The following PACRG variants were observed in gnomAD, a reference collection of about 807,000 sequenced individuals.
The protein encoded by PACRG is parkin coregulated, also known as parkin coregulated gene protein.
PACRG carries 29 observed loss-of-function variants against 29.7 expected under a neutral mutation model. The observed-to-expected ratio is 0.98, with a 90% CI of 0.73 to 1.33. The LOEUF (loss-of-function observed/expected upper bound fraction) is 1.33, where lower values mean the gene tolerates loss of function less well. Among genes scored for constraint, PACRG ranks in the 40% most tolerant of loss-of-function variants. The probability of loss-of-function intolerance (pLI) is 0.00; values close to 1 mark genes in which losing one functional copy is unlikely to be tolerated. For synonymous variants in PACRG, 116 were observed against 118.7 expected (o/e 0.98, Z 0.15); for missense variants, 279 against 316.2 (o/e 0.88, Z 0.89).
chr6:163,112,764 C>G (rs1034481231), intron 4 of PACRG, among the ~76,000 whole-genome samples: 1 of 152,124 alleles, frequency 6.6e-6, no homozygotes, highest in Non-Finnish European at 1.5e-5. Context: ...AAAGAAAAAC[C>G]TGGGGAAGGG....
chr6:163,006,517 A>G (rs1247365265), intron 2 of PACRG, among the ~76,000 whole-genome samples: 1 of 151,704 alleles, frequency 6.6e-6, no homozygotes, highest in Non-Finnish European at 1.5e-5. Context: ...TACTTGTTCT[A>G]TCAGTTATTG....
At chr6:163,287,481 T>C (rs1784441869) in intron 4 of PACRG, among the ~76,000 whole-genome samples, 1 of 152,168 alleles carries the variant, frequency 6.6e-6, no homozygotes, top group Non-Finnish European at 1.5e-5. Flanking sequence ...CTGCGGAGGC[T>C]GCCCAGGCCC....
chr6:162,895,102 C>T (rs577421207), intron 2 of PACRG, among the ~76,000 whole-genome samples: 4 of 145,418 alleles, frequency 2.8e-5, no homozygotes, highest in Admixed American at 1.4e-4. Flanking sequence ...TCTCTACCCC[C>T]CCGCCCCCAA....
chr6:162,836,327 A>C (rs1186618409), intron 2 of PACRG, among the ~76,000 whole-genome samples: 1 of 152,152 alleles, frequency 6.6e-6, no homozygotes, highest in Middle Eastern at 3.4e-3. Flanking sequence ...GTACAGGGGT[A>C]GTCAGAGGGC....
chr6:162,781,547 T>G (rs1279547626), intron 1 of PACRG, among the ~76,000 whole-genome samples: 1 of 151,870 alleles, frequency 6.6e-6, no homozygotes, highest in East Asian at 1.9e-4. Flanking sequence ...AATCTACTGT[T>G]TAGATAAAAA....
intron 4 of PACRG, among the ~76,000 whole-genome samples, chr6:163,186,788 G>A (rs553972771): frequency 6.1e-4 from 93 of 152,296 alleles, no homozygotes; most frequent in African/African-American, 2.2e-3. Flanking sequence ...CCTCTCCACC[G>A]CTCTGCTCCC....
intron 2 of PACRG, among the ~76,000 whole-genome samples, chr6:162,862,125 G>T (rs1308724692): frequency 6.6e-6 from 1 of 152,182 alleles, no homozygotes; most frequent in Non-Finnish European, 1.5e-5. Flanking sequence ...CAGTCCACGG[G>T]AACTCAGAGG....
chr6:163,118,859 C>T (rs1816136066), intron 4 of PACRG, among the ~76,000 whole-genome samples: 1 of 152,194 alleles, frequency 6.6e-6, no homozygotes, highest in South Asian at 2.1e-4. Flanking sequence ...CTCCTCTTTC[C>T]TTCTCAGACA....
intron 4 of PACRG, among the ~76,000 whole-genome samples, chr6:163,141,458 T>A (rs1283339628): frequency 6.9e-6 from 1 of 144,690 alleles, no homozygotes; most frequent in Middle Eastern, 3.6e-3. Flanking sequence ...TTTTTTTTTT[T>A]AAAGCCAAAC....
chr6:163,116,261 C>T (rs559517005), intron 4 of PACRG, among the ~76,000 whole-genome samples: 103 of 152,072 alleles, frequency 6.8e-4, no homozygotes, highest in African/African-American at 2.3e-3. Context: ...GGAGCAGGAG[C>T]GAGATTAGGG....
At chr6:163,099,801 C>A (rs758248571) in intron 4 of PACRG, among the ~76,000 whole-genome samples, 1 of 152,154 alleles carries the variant, frequency 6.6e-6, no homozygotes, top group Non-Finnish European at 1.5e-5. Flanking sequence ...GGAGCCTTTC[C>A]GTGCCACTGC....
intron 2 of PACRG, among the ~76,000 whole-genome samples, chr6:163,059,338 T>C (rs899436590): frequency 1.3e-5 from 2 of 152,200 alleles, no homozygotes; most frequent in African/African-American, 4.8e-5. Flanking sequence ...TATTTATTGT[T>C]TGAAGGCACA....
intron 3 of PACRG, among the ~76,000 whole-genome samples, chr6:163,084,591 A>T (rs957425675): frequency 6.6e-6 from 1 of 152,130 alleles, no homozygotes; most frequent in Non-Finnish European, 1.5e-5. Context: ...TCCATTTTAG[A>T]TGCCATTACG....
chr6:163,162,401 CTTG>C (rs1385929118), intron 4 of PACRG, among the ~76,000 whole-genome samples: 2 of 152,244 alleles, frequency 1.3e-5, no homozygotes, highest in African/African-American at 2.4e-5. Context: ...TCTAATCCCA[CTTG>C]TTGTGCAATA....
intron 4 of PACRG, among the ~76,000 whole-genome samples, chr6:163,171,935 A>G (rs1371515735): frequency 1.3e-5 from 2 of 152,188 alleles, no homozygotes; most frequent in African/African-American, 2.4e-5. Context: ...AGACTCTACC[A>G]TGGATTTATT....
intron 3 of PACRG, among the ~76,000 whole-genome samples, chr6:163,072,064 GAATACTTCCAAGTTCATTCTA>G (rs1812111411): frequency 6.6e-6 from 1 of 150,668 alleles, no homozygotes; most frequent in East Asian, 2.0e-4. Context: ...AAGGAGAAGA[GAATACTTCCAAGTTCATTCTA>G]TAAGGCCAGT....
In PACRG at chr6:163,055,114, G is replaced by A. The variant is rs985815385; in HGVS notation, c.292-7036G>A. ...TGAGGGAGTGGGTTAAAGAGGGAAC[G>A]GGAATGAGGAAGCAAGGACAGTGAT... is the stretch of plus-strand genomic sequence containing the variant. On this transcript the variant is annotated intron_variant, in intron 2 of 4. Coordinates refer to ENST00000366888, the MANE Select transcript of PACRG (RefSeq NM_001080379.2). The surrounding 1 kb of genome is among the most constrained non-coding windows in gnomAD (Gnocchi z 4.0). Among the ~76,000 whole-genome samples the A allele has an allele frequency of 4.6e-5, 7 of 152,118 alleles. No homozygotes were observed. Among genetic ancestry groups the A allele is most frequent in the Non-Finnish European group, 7.4e-5 (5 of 68,022 alleles).
intron 2 of PACRG, among the ~76,000 whole-genome samples, chr6:162,955,503 G>A (rs1562775411): frequency 6.6e-6 from 1 of 152,114 alleles, no homozygotes; most frequent in African/African-American, 2.4e-5. Context: ...GTTTGCCCAT[G>A]TTGGCCAGGC....
At position 163,156,854 on chromosome 6, in the gene PACRG, G is replaced by C. The variant is rs550245382; in HGVS notation, c.613+67446G>C. ...CGTTGCATCTCCCTGACCGTTTTTC[G>C]TGTCATCTCTAGCTGTCATCTTGTG... On this transcript the variant is annotated intron_variant, in intron 4 of 4. Transcript: ENST00000366888. Among the ~76,000 whole-genome samples, 27 of 152,130 alleles carry C rather than the reference G, an allele frequency of 1.8e-4. 1 individual carries two copies. Among genetic ancestry groups the C allele is most frequent in the Non-Finnish European group, 3.5e-4 (24 of 68,010 alleles).
Sources: allele counts gnomAD v4.1 joint callset (sites outside exome capture counted in the v4.1 genomes callset), GRCh38; gene constraint gnomAD v4.1.1; non-coding constraint Gnocchi (gnomAD v3.1); transcripts MANE v1.5; gene names NCBI Gene and HGNC (gene_info 2026-07-23, HGNC 2026-07-21).